The following FHOD3 variants were observed in gnomAD, a reference collection of about 807,000 sequenced individuals.
The protein encoded by FHOD3 is FH1/FH2 domain-containing protein 3.
In FHOD3, 90 loss-of-function variants were observed where a neutral mutation model predicts 173.0. The ratio of observed to expected loss-of-function variants is 0.52; its 90% CI spans 0.44 to 0.62. The LOEUF (loss-of-function observed/expected upper bound fraction) is 0.62, where lower values mean the gene tolerates loss of function less well. FHOD3 is among the 20% of genes least tolerant of loss of function. The pLI is 0.00. For missense variants in FHOD3, 1,945 were observed against 2,034.7 expected, an observed-to-expected ratio of 0.96 and a Z score of 0.85; for synonymous variants, 828 against 823.0, an observed-to-expected ratio of 1.01 and a Z score of -0.10.
chr18:36,505,692 A>G (rs1417773300), intron 4 of FHOD3, among the ~76,000 whole-genome samples: 1 of 152,222 alleles, frequency 6.6e-6, no homozygotes, highest in East Asian at 1.9e-4. Flanking sequence ...AAATTCATTG[A>G]CAAGTTTGCC....
intron 8 of FHOD3, among the ~76,000 whole-genome samples, chr18:36,609,967 C>T (rs1418819030): frequency 6.6e-6 from 1 of 152,138 alleles, no homozygotes; most frequent in Non-Finnish European, 1.5e-5. Flanking sequence ...TTCCCTCACC[C>T]TTTATGGTTG....
intron 8 of FHOD3, among the ~76,000 whole-genome samples, chr18:36,604,325 G>A (rs1422916600): frequency 1.3e-5 from 2 of 152,198 alleles, no homozygotes; most frequent in Non-Finnish European, 2.9e-5. Flanking sequence ...CATTTTCCCT[G>A]ATGAAGTGGG....
At chr18:36,773,626 A>G (rs2043495018) in intron 28 of FHOD3, among the ~76,000 whole-genome samples, 1 of 152,182 alleles carries the variant, frequency 6.6e-6, no homozygotes, top group Non-Finnish European at 1.5e-5. Flanking sequence ...CATCTATGAC[A>G]GGTTCCCGCC....
intron 17 of FHOD3, among the ~76,000 whole-genome samples, chr18:36,707,882 G>C (rs879792805): frequency 6.6e-6 from 1 of 152,156 alleles, no homozygotes; most frequent in Non-Finnish European, 1.5e-5. Flanking sequence ...TAGGGTTCAA[G>C]CACACACCCT....
chr18:36,493,587 G>A (rs950782443), intron 3 of FHOD3, among the ~76,000 whole-genome samples: 2 of 152,168 alleles, frequency 1.3e-5, no homozygotes, highest in African/African-American at 2.4e-5. Flanking sequence ...GTCTTGGGTC[G>A]TGTTTCAGAG....
chr18:36,599,791 C>T (rs2031075731), intron 7 of FHOD3, among the ~76,000 whole-genome samples: 3 of 152,242 alleles, frequency 2.0e-5, no homozygotes, highest in Admixed American at 2.0e-4. Context: ...CTCCACCAAC[C>T]ACCACCATTA....
At chr18:36,373,805 A>G (rs926950479) in intron 3 of FHOD3, among the ~76,000 whole-genome samples, 3 of 152,254 alleles carry the variant, frequency 2.0e-5, no homozygotes, top group Admixed American at 1.3e-4. Flanking sequence ...TGTACAATGT[A>G]TATGGGCACT....
At position 36,611,464 on chromosome 18, in the gene FHOD3, T is replaced by G. The variant is rs533038054; in HGVS notation, c.814-488T>G. ...AGGCCTATGTAGTTGGCAGAATTCA[T>G]TTCCTTGCTTCTGTGAAAGTTGTGG... On this transcript the variant is annotated intron_variant, in intron 8 of 28. Transcript: ENST00000590592. Among the ~76,000 whole-genome samples, 18 of 152,286 alleles carry G rather than the reference T, an allele frequency of 1.2e-4. No homozygotes were observed. In the South Asian group the frequency reaches 3.7e-3, roughly 32 times the overall value.
At chr18:36,594,439 G>T (rs1047620102) in intron 6 of FHOD3, among the ~76,000 whole-genome samples, 1 of 152,126 alleles carries the variant, frequency 6.6e-6, no homozygotes, top group Non-Finnish European at 1.5e-5. Flanking sequence ...TTATAGCTGG[G>T]GTAAAACGAA....
chr18:36,638,558 C>T (rs2035053886), intron 10 of FHOD3, among the ~76,000 whole-genome samples: 1 of 152,240 alleles, frequency 6.6e-6, no homozygotes, highest in Non-Finnish European at 1.5e-5. Flanking sequence ...GGACATAGGT[C>T]GTGGCTATTG....
At chr18:36,691,779 T>A (rs530542639) in intron 16 of FHOD3, among the ~76,000 whole-genome samples, 43 of 152,236 alleles carry the variant, frequency 2.8e-4, no homozygotes, top group Non-Finnish European at 5.4e-4. Context: ...GCAGGTGGGG[T>A]GCCACTCTGC....
chr18:36,704,970 G>A (rs1297683443), intron 17 of FHOD3, among the ~76,000 whole-genome samples: 1 of 147,408 alleles, frequency 6.8e-6, no homozygotes, highest in Non-Finnish European at 1.5e-5. Flanking sequence ...CCACTGATTG[G>A]TGTTCACCTC....
intron 18 of FHOD3, among the ~76,000 whole-genome samples, chr18:36,717,362 TTGTG>T (rs1254460726): frequency 6.6e-6 from 1 of 152,084 alleles, no homozygotes; most frequent in East Asian, 1.9e-4. Context: ...GTGGCACAGT[TTGTG>T]TGTTTTTGAG....
intron 3 of FHOD3, among the ~76,000 whole-genome samples, chr18:36,452,470 C>G (rs1035361667): frequency 2.0e-5 from 3 of 152,204 alleles, no homozygotes; most frequent in Non-Finnish European, 4.4e-5. Flanking sequence ...AACATAAGAT[C>G]TATCCTTTTA....
Position 36,312,221 on chromosome 18 carries a change from G to A in FHOD3, c.165+14221G>A, listed in dbSNP as rs1476653437. 3.3e-5 allele frequency among the ~76,000 whole-genome samples: 5 copies of A among 152,102 alleles called. No homozygotes were observed. In the East Asian group the frequency reaches 9.6e-4, roughly 29 times the overall value. On this transcript the variant is annotated intron_variant, in intron 1 of 28. Transcript: ENST00000590592. ...AGGAATGCTTGCCGTTCTGTTTGAT[G>A]GTGCGGTATTCACCTGCCCTCTCTA...
intron 3 of FHOD3, 27 bp downstream of exon 3, chr18:36,372,771 A>T: frequency 6.2e-7 from 1 of 1,602,950 alleles, no homozygotes; most frequent in South Asian, 1.1e-5. Flanking sequence ...CTCAGGAACT[A>T]AACATATGAT....
intron 9 of FHOD3, among the ~76,000 whole-genome samples, chr18:36,621,906 C>A (rs79521732): frequency 6.6e-6 from 1 of 152,178 alleles, no homozygotes; most frequent in Non-Finnish European, 1.5e-5. Context: ...TGTCGCAGCA[C>A]TAGTCACAAT....
intron 5 of FHOD3, among the ~76,000 whole-genome samples, chr18:36,529,790 ACT>A (rs1457453220): frequency 6.6e-6 from 1 of 152,012 alleles, no homozygotes; most frequent in Non-Finnish European, 1.5e-5. Flanking sequence ...AAAGAGTGAG[ACT>A]CTGTCTCAAA....
rs776331707 is a variant in FHOD3, at chr18:36,619,808, G to A, written c.958-5703G>A. ...AAACATGTCTATGAAGAAAAGAGAC[G>A]GTATGAGGTGGGGGCCAGAAAGAGG... On this transcript the variant is annotated intron_variant, in intron 9 of 28. Coordinates refer to ENST00000590592, the MANE Select transcript of FHOD3 (RefSeq NM_001281740.3). 9.9e-5 allele frequency among the ~76,000 whole-genome samples: 15 copies of A among 152,200 alleles called. 1 individual carries two copies. In the South Asian group the frequency reaches 1.2e-3, roughly 13 times the overall value.
Sources: allele counts gnomAD v4.1 joint callset (sites outside exome capture counted in the v4.1 genomes callset), GRCh38; gene constraint gnomAD v4.1.1; transcripts MANE v1.5; gene names NCBI Gene and HGNC (gene_info 2026-07-23, HGNC 2026-07-21).